The following RBMS3 variants were observed in gnomAD, a reference collection of about 807,000 sequenced individuals.
RBMS3 encodes RNA-binding motif, single-stranded-interacting protein 3.
A neutral mutation model predicts 66.8 loss-of-function variants in RBMS3; 27 were observed. That is an observed-to-expected ratio of 0.40 (90% CI 0.30 to 0.56). The LOEUF is 0.56. RBMS3 is among the 20% of genes least tolerant of loss of function. The probability of loss-of-function intolerance (pLI) is 0.40; values close to 1 mark genes in which losing one functional copy is unlikely to be tolerated. For synonymous variants in RBMS3, 188 were observed against 183.0 expected (o/e 1.03, Z -0.22); for missense variants, 513 against 549.5 (o/e 0.93, Z 0.66).
At chr3:29,992,269 A>C (rs2149804470) in intron 14 of RBMS3, among the ~76,000 whole-genome samples, 1 of 152,230 alleles carries the variant, frequency 6.6e-6, no homozygotes, top group African/African-American at 2.4e-5. Flanking sequence ...GTACAAAAGT[A>C]ATTGCGGTTT....
At chr3:29,505,694 C>T (rs972176913) in intron 3 of RBMS3, among the ~76,000 whole-genome samples, 1 of 151,362 alleles carries the variant, frequency 6.6e-6, no homozygotes. Flanking sequence ...TAATAGTATT[C>T]TTCTAATCAA....
At chr3:29,726,928 A>G (rs1310654768) in intron 4 of RBMS3, among the ~76,000 whole-genome samples, 1 of 152,234 alleles carries the variant, frequency 6.6e-6, no homozygotes, top group Non-Finnish European at 1.5e-5. Context: ...AGCAAAATGA[A>G]TGAAGCTGGA....
intron 14 of RBMS3, among the ~76,000 whole-genome samples, chr3:29,997,550 C>G (rs1699327078): frequency 1.3e-5 from 2 of 150,614 alleles, no homozygotes; most frequent in Non-Finnish European, 2.9e-5. Flanking sequence ...TCCAGCAGCA[C>G]ATCAAAAAGC....
intron 4 of RBMS3, among the ~76,000 whole-genome samples, chr3:29,621,135 G>T (rs2048851766): frequency 6.6e-6 from 1 of 151,640 alleles, no homozygotes; most frequent in Admixed American, 6.6e-5. Context: ...TTTCATCTTG[G>T]TGAGTCTTCT....
chr3:29,957,222 T>C (rs1422031114), intron 12 of RBMS3, among the ~76,000 whole-genome samples: 1 of 152,112 alleles, frequency 6.6e-6, no homozygotes, highest in Non-Finnish European at 1.5e-5. Flanking sequence ...TTATCATTTC[T>C]CCCCTCTAGA....
intron 11 of RBMS3, among the ~76,000 whole-genome samples, chr3:29,937,651 G>A (rs750866547): frequency 1.6e-4 from 25 of 151,918 alleles, no homozygotes; most frequent in Non-Finnish European, 2.5e-4. Flanking sequence ...GAATGCTTGG[G>A]CTGGATCAAA....
intron 4 of RBMS3, among the ~76,000 whole-genome samples, chr3:29,691,989 G>A (rs554791629): frequency 8.9e-4 from 94 of 106,212 alleles, no homozygotes; most frequent in African/African-American, 1.1e-3. Flanking sequence ...TCCCTCTGTC[G>A]CCCAGGCTGG....
chr3:29,635,421 C>T (rs146419674), intron 4 of RBMS3, among the ~76,000 whole-genome samples: 255 of 151,896 alleles, frequency 1.7e-3, no homozygotes, highest in Non-Finnish European at 2.7e-3. Flanking sequence ...ATACCCTGAC[C>T]GAATCCATTA....
chr3:29,425,042 A>G (rs1159229309), intron 1 of RBMS3, among the ~76,000 whole-genome samples: 1 of 151,914 alleles, frequency 6.6e-6, no homozygotes. Flanking sequence ...GAGGGTGTAC[A>G]TTTTAAAAAA....
intron 7 of RBMS3, among the ~76,000 whole-genome samples, chr3:29,869,844 C>A (rs930367145): frequency 5.3e-5 from 8 of 152,154 alleles, no homozygotes; most frequent in Admixed American, 4.6e-4. Flanking sequence ...CCTACTTCAT[C>A]CATTTATCAT....
At chr3:29,379,525 G>A (rs1378236449) in intron 1 of RBMS3, among the ~76,000 whole-genome samples, 4 of 152,114 alleles carry the variant, frequency 2.6e-5, no homozygotes, top group Admixed American at 6.6e-5. Flanking sequence ...AAAGGTGAAA[G>A]GCACGTCTCA....
chr3:29,986,283 G>T (rs1332124216), intron 12 of RBMS3, among the ~76,000 whole-genome samples: 1 of 151,566 alleles, frequency 6.6e-6, no homozygotes, highest in Non-Finnish European at 1.5e-5. Flanking sequence ...TTCAATTAAA[G>T]AAACATTTTC....
At chr3:29,863,984 T>G (rs2059282959) in intron 6 of RBMS3, among the ~76,000 whole-genome samples, 1 of 152,226 alleles carries the variant, frequency 6.6e-6, no homozygotes, top group Admixed American at 6.5e-5. Flanking sequence ...CCTGCCTTTT[T>G]GGAATGTAAT....
intron 1 of RBMS3, among the ~76,000 whole-genome samples, chr3:29,282,487 G>C (rs1345155063): frequency 6.6e-6 from 1 of 152,084 alleles, no homozygotes; most frequent in Non-Finnish European, 1.5e-5. Context: ...CTTTATGTGT[G>C]TGTGTCAAAT....
chr3:29,796,509 C>G (rs2057193830), intron 6 of RBMS3, among the ~76,000 whole-genome samples: 1 of 152,098 alleles, frequency 6.6e-6, no homozygotes, highest in Non-Finnish European at 1.5e-5. Flanking sequence ...AGAGGAATCA[C>G]TATCTATGAC....
At chr3:29,739,939 T>A in intron 5 of RBMS3, 62 bp downstream of exon 5, 1 of 1,305,502 alleles carries the variant, frequency 7.7e-7, no homozygotes. Flanking sequence ...ATTCCATTCC[T>A]TTTTTAGTAC....
intron 6 of RBMS3, among the ~76,000 whole-genome samples, chr3:29,840,359 AAAC>A (rs960141583): frequency 9.2e-5 from 14 of 152,122 alleles, no homozygotes; most frequent in Non-Finnish European, 2.1e-4. Flanking sequence ...ATTTTATTAA[AAAC>A]AACCATATTT....
In RBMS3 at chr3:29,465,541, T is replaced by TA. The variant is rs558007794; in HGVS notation, c.249-22899dup. 4.4e-3 allele frequency among the ~76,000 whole-genome samples: 548 copies of TA among 124,608 alleles called. 2 individuals are homozygous for TA. Among genetic ancestry groups the TA allele is most frequent in the African/African-American group, 0.016 (525 of 33,732 alleles). The allele number at this position is 124,608 out of a possible 152,430, so 81.7% of individuals were successfully genotyped here. A position where few individuals can be genotyped will look rare whatever the true frequency, so the allele number is the denominator to read the frequency against. On this transcript the variant is annotated intron_variant, in intron 2 of 14. Transcript: ENST00000383767. ...ACCCAAACAGATGGGAATGTGCCCTTATTTTTTTTTTTTTTTCTGTAAATC... is the reference window on the plus strand; with the variant it reads ...ACCCAAACAGATGGGAATGTGCCCTTAATTTTTTTTTTTTTTTCTGTAAATC...
At chr3:29,818,547 T>G (rs2057983410) in intron 6 of RBMS3, among the ~76,000 whole-genome samples, 1 of 152,136 alleles carries the variant, frequency 6.6e-6, no homozygotes, top group Admixed American at 6.5e-5. Flanking sequence ...ATGATAATCT[T>G]TAAACACAAA....
Sources: allele counts gnomAD v4.1 joint callset (sites outside exome capture counted in the v4.1 genomes callset), GRCh38; gene constraint gnomAD v4.1.1; transcripts MANE v1.5; gene names NCBI Gene and HGNC (gene_info 2026-07-23, HGNC 2026-07-21).